Variants in METTL17 observed in about 807,000 individuals in gnomAD.
METTL17 encodes ribosome assembly protein METTL17, mitochondrial.
In METTL17, 49 loss-of-function variants were observed where a neutral mutation model predicts 59.4. That is an observed-to-expected ratio of 0.82 (90% CI 0.66 to 1.05). The LOEUF is 1.05. METTL17 is among the 50% of genes least tolerant of loss of function. The pLI, the probability that METTL17 is intolerant of heterozygous loss-of-function variation, is 0.00. For missense variants in METTL17, 555 were observed against 578.4 expected (o/e 0.96, Z 0.41); for synonymous variants, 208 against 209.2 (o/e 0.99, Z 0.05).
intron 11 of METTL17, 99 bp downstream of exon 11, chr14:20,996,050 G>A (rs1218070972): frequency 5.0e-6 from 7 of 1,405,698 alleles, no homozygotes; most frequent in Non-Finnish European, 7.1e-6. Flanking sequence ...ACTACTTTGT[G>A]TTCCTATCCA....
chr14:20,993,271 C>G, intron 6 of METTL17, 80 bp downstream of exon 6: 1 of 1,192,188 alleles, frequency 8.4e-7, no homozygotes, highest in Non-Finnish European at 1.2e-6. Context: ...AATTAACAGA[C>G]TGGAAAACCA....
At position 20,996,783 on chromosome 14, in the gene METTL17, A is replaced by G. The variant is rs376399502; in HGVS notation, c.1266-2A>G. The G allele has an allele frequency of 9.9e-6, 16 of 1,614,086 alleles. No individual in the cohort carries two copies. The highest frequency in any genetic ancestry group is 1.4e-5 in the Non-Finnish European group (16 of 1,180,046). On this transcript the variant is annotated splice_acceptor_variant, in intron 13 of 13. Transcript: ENST00000339374. LOFTEE classifies it high-confidence loss of function. ...AGCCCACGCCAGCATCTGTTTCCACAGGGATTTGTATCGTTGTGCCCGTGT... is the reference window on the plus strand; with the variant it reads ...AGCCCACGCCAGCATCTGTTTCCACGGGGATTTGTATCGTTGTGCCCGTGT...
At chr14:20,995,733 G>A in intron 10 of METTL17, 168 bp from the exon 11 acceptor site, 1 of 606,980 alleles carries the variant, frequency 1.6e-6, no homozygotes, top group Admixed American at 2.9e-5. Context: ...CAAAGAGAAA[G>A]TTCTTTGTTT....
chr14:20,995,255 C>T (rs767690414), intron 10 of METTL17, 22 bp downstream of exon 10: 3 of 1,594,052 alleles, frequency 1.9e-6, no homozygotes, highest in Non-Finnish European at 2.6e-6. Flanking sequence ...TCTTCCCTCA[C>T]TCCCCCACCC....
Position 20,994,942 on chromosome 14 carries a change from C to G in METTL17, c.876+41C>G, listed in dbSNP as rs376195969. On this transcript the variant is annotated intron_variant, in intron 9 of 13. Transcript: ENST00000339374. ...TTGTTCTCCTTAAGTCTTGAAGCAG[C>G]TTCATGGATTTCATGCCTTTGCTCC... 3 of 1,492,020 alleles carry G rather than the reference C, an allele frequency of 2.0e-6. No homozygotes were observed. The African/African-American group carries it at 4.1e-5, about 21-fold the overall frequency. The allele number at this position is 1,492,020 out of a possible 1,614,324, so 92.4% of individuals were successfully genotyped here. A position where few individuals can be genotyped will look rare whatever the true frequency, so the allele number is the denominator to read the frequency against.
rs1268509911 is a variant in METTL17, at chr14:20,990,583, T to A, written c.349T>A (p.Phe117Ile). 3 of 1,614,126 alleles carry A rather than the reference T, an allele frequency of 1.9e-6. No homozygotes were observed. Among genetic ancestry groups the A allele is most frequent in the Non-Finnish European group, 1.7e-6 (2 of 1,180,016 alleles). Residue 117 changes from phenylalanine (F) to isoleucine (I), a missense_variant, in exon 3 of 14, where the codon TTC (phenylalanine) becomes ATC (isoleucine). Physicochemically the swap from Phe to Ile is conservative, Grantham distance 21. Transcript: ENST00000339374. ...QRRARHLEKK[F>I]LENPDLSQTE... ...ACGGGCTAGGCATCTTGAGAAAAAA[T>A]TCCTGGAAAACCCAGGTAGGACTTA...
Position 20,996,319 on chromosome 14 carries a change from G to A in METTL17, c.1080+27G>A, listed in dbSNP as rs547996027. The A allele has an allele frequency of 4.5e-5, 72 of 1,595,040 alleles. No homozygotes were observed. In the South Asian group the frequency reaches 7.9e-4, roughly 17 times the overall value. ...TAGGTACCTGGGGATATTGCAGCAG[G>A]AAGCAAACATCCTGGAAAAACAGGA... On this transcript the variant is annotated intron_variant, in intron 12 of 13. Transcript: ENST00000339374.
At chr14:20,992,475 T>C in intron 4 of METTL17, 66 bp from the exon 5 acceptor site, 1 of 1,307,700 alleles carries the variant, frequency 7.6e-7, no homozygotes. Context: ...ATTTTCTAAA[T>C]CTAGAAGGTA....
intron 5 of METTL17, 88 bp downstream of exon 5, chr14:20,992,710 C>T (rs1274585751): frequency 3.0e-6 from 3 of 1,015,388 alleles, no homozygotes; most frequent in African/African-American, 1.6e-5. Context: ...ATTCTTGGGA[C>T]ATTGCATATG....
intron 3 of METTL17, 172 bp downstream of exon 3, chr14:20,990,770 G>A: frequency 1.3e-6 from 1 of 790,586 alleles, no homozygotes; most frequent in Non-Finnish European, 2.0e-6. Flanking sequence ...TTATTTTAGA[G>A]ATTGCTTAGG....
rs1444893357 is a variant in METTL17 at position 20,995,196 on chromosome 14, A to G, written c.908A>G (p.His303Arg). ...GTGGAGAATGGAACAAAAGCTGGGC[A>G]CAGCCTTCTCATGGATGCCAGGGAT... ...VLVENGTKAG[H>R]SLLMDARDLV... The change falls in exon 10 of 14, where the codon CAC (histidine) becomes CGC (arginine). Residue 303 changes from histidine (H) to arginine (R), a missense_variant. His to Arg is a conservative substitution (Grantham distance 29). Coordinates refer to ENST00000339374, the MANE Select transcript of METTL17 (RefSeq NM_022734.3). The G allele has an allele frequency of 6.2e-7, 1 of 1,614,116 alleles. No homozygotes were observed. The highest frequency in any genetic ancestry group is 8.5e-7 in the Non-Finnish European group (1 of 1,180,050).
At chr14:20,992,424 G>A in intron 4 of METTL17, 117 bp from the exon 5 acceptor site, 2 of 864,216 alleles carry the variant, frequency 2.3e-6, no homozygotes. Flanking sequence ...TTGTATTGGG[G>A]AGTGAAAGGC....
At chr14:20,993,748 C>T (rs1323462289) in intron 6 of METTL17, 1 of 332,994 alleles carries the variant, frequency 3.0e-6, no homozygotes, top group South Asian at 4.8e-5. Context: ...GCTGGGATTA[C>T]AAGCATGAGC....
In METTL17 at chr14:20,994,785, G is replaced by C. The variant is rs1424216187; in HGVS notation, c.769-9G>C. The C allele has an allele frequency of 6.2e-7, 1 of 1,608,550 alleles. No homozygotes were observed. Among genetic ancestry groups the C allele is most frequent in the Non-Finnish European group, 8.5e-7 (1 of 1,175,146 alleles). On this transcript the variant is annotated splice_polypyrimidine_tract_variant and intron_variant, in intron 8 of 13. Coordinates refer to ENST00000339374, the MANE Select transcript of METTL17 (RefSeq NM_022734.3). ...TTGAGTCTGTCATGTTCCTTGTCTT[G>C]GTCCTCAGGTGCAGTTTGATGTAGT...
intron 8 of METTL17, 36 bp from the exon 9 acceptor site, chr14:20,994,758 T>G (rs1439388171): frequency 1.9e-6 from 3 of 1,562,340 alleles, no homozygotes; most frequent in East Asian, 2.2e-5. Context: ...GATGTAGAGA[T>G]GTTGAGTCTG....
rs1464128463 is a variant in METTL17, at chr14:20,994,594, T to C, written c.749T>C (p.Phe250Ser). 6.2e-7 allele frequency: 1 copy of C among 1,614,232 alleles called. No homozygotes were observed. Among genetic ancestry groups the C allele is most frequent in the Non-Finnish European group, 8.5e-7 (1 of 1,180,010 alleles). Residue 250 changes from phenylalanine (F) to serine (S), a missense_variant, in exon 8 of 14, where the codon TTT (phenylalanine) becomes TCT (serine). Coordinates refer to ENST00000339374, the MANE Select transcript of METTL17 (RefSeq NM_022734.3). ...ATTCCAGGTGTCTTTTTCAGACAGT[T>C]TCTACCTGTATCACCCAAGGCAAGT... The part of the protein sequence containing the change: ...PYIPGVFFRQ[F>S]LPVSPKVQFD...
rs1420642568 is a variant in METTL17, at chr14:20,992,175, G to T, written c.416G>T (p.Arg139Leu). 6.2e-7 allele frequency: 1 copy of T among 1,610,286 alleles called. No individual in the cohort carries two copies. Among genetic ancestry groups the T allele is most frequent in the Admixed American group, 1.7e-5 (1 of 58,968 alleles). ...KLRGAVLHAL[R>L]KTTYHWQELS... ...CGTGGAGCAGTGCTACACGCACTAC[G>T]TAAAACTACCTACCATTGGCAAGAA... The change falls in exon 4 of 14, where the codon CGT becomes CTT. Residue 139 changes from arginine (R) to leucine (L), a missense_variant. Transcript: ENST00000339374.
intron 8 of METTL17, 27 bp from the exon 9 acceptor site, chr14:20,994,767 T>C: frequency 6.3e-7 from 1 of 1,584,912 alleles, no homozygotes; most frequent in Non-Finnish European, 8.7e-7. Flanking sequence ...ATGTTGAGTC[T>C]GTCATGTTCC....
rs1488671881 is a variant in METTL17, at chr14:20,992,587, G to A, written c.493G>A (p.Gly165Ser). 1 of 1,614,102 alleles carries A rather than the reference G, an allele frequency of 6.2e-7. No homozygotes were observed. Among genetic ancestry groups the A allele is most frequent in the Non-Finnish European group, 8.5e-7 (1 of 1,179,958 alleles). Residue 165 changes from glycine to serine, a missense_variant, in exon 5 of 14, where the codon GGT becomes AGT. Transcript: ENST00000339374. ...GGTGTATATGGCAGCAAGACTGGAT[G>A]GTGGCTTTGCAGCAGTCTCCAGAGC... ...SLVYMAARLDGGFAAVSRAFH... is the reference protein window; with the variant it reads ...SLVYMAARLDSGFAAVSRAFH...
Sources: allele counts gnomAD v4.1 joint callset, GRCh38; gene constraint gnomAD v4.1.1; transcripts MANE v1.5; gene names NCBI Gene and HGNC (gene_info 2026-07-23, HGNC 2026-07-21).